The following ADAMTSL1 variants were observed in gnomAD, a reference collection of about 807,000 sequenced individuals.
The protein encoded by ADAMTSL1 is ADAMTS-like protein 1.
Under a neutral mutation model 201.8 loss-of-function variants are expected in ADAMTSL1, and 126 were observed. The observed-to-expected ratio is 0.62, with a 90% CI of 0.54 to 0.72. The LOEUF (loss-of-function observed/expected upper bound fraction) is 0.72. Among genes scored for constraint, ADAMTSL1 ranks in the 30% least tolerant of loss-of-function variants. ADAMTSL1 has a pLI of 0.00. For missense variants in ADAMTSL1, 2,679 were observed against 2,277.8 expected (o/e 1.18, Z -3.59); for synonymous variants, 1,121 against 903.4 (o/e 1.24, Z -4.32).
chr9:18,545,487 A>G (rs1026004766), intron 3 of ADAMTSL1, among the ~76,000 whole-genome samples: 11 of 152,298 alleles, frequency 7.2e-5, no homozygotes, highest in African/African-American at 2.6e-4. Context: ...GAGATATTCA[A>G]ACAAGTCTAT....
intron 9 of ADAMTSL1, among the ~76,000 whole-genome samples, chr9:18,671,130 G>A (rs1829783621): frequency 6.6e-6 from 1 of 152,010 alleles, no homozygotes; most frequent in Non-Finnish European, 1.5e-5. Flanking sequence ...ATATTTTCAG[G>A]CTATGGTTGA....
intron 1 of ADAMTSL1, among the ~76,000 whole-genome samples, chr9:18,094,399 T>C (rs1161164423): frequency 6.6e-6 from 1 of 152,194 alleles, no homozygotes; most frequent in Non-Finnish European, 1.5e-5. Flanking sequence ...CAGTTATGTG[T>C]GTAGTATTAC....
At chr9:18,103,642 A>G (rs1824630381) in intron 1 of ADAMTSL1, among the ~76,000 whole-genome samples, 1 of 152,216 alleles carries the variant, frequency 6.6e-6, no homozygotes, top group African/African-American at 2.4e-5. Flanking sequence ...TAAAGTATCT[A>G]TCATTGTAGG....
intron 3 of ADAMTSL1, among the ~76,000 whole-genome samples, chr9:18,568,196 C>T (rs986353893): frequency 6.6e-6 from 1 of 152,030 alleles, no homozygotes; most frequent in African/African-American, 2.4e-5. Context: ...AATTGAAACA[C>T]TGATTTTTTT....
chr9:18,400,401 G>A (rs1817940894), intron 2 of ADAMTSL1, among the ~76,000 whole-genome samples: 1 of 152,100 alleles, frequency 6.6e-6, no homozygotes. Context: ...TCGGTACTCA[G>A]TATTTGTAAT....
intron 26 of ADAMTSL1, among the ~76,000 whole-genome samples, chr9:18,892,998 G>A (rs539472443): frequency 3.7e-4 from 56 of 151,474 alleles, no homozygotes; most frequent in Admixed American, 1.4e-3. Context: ...TAGAGTTCAC[G>A]TTCCATCTCG....
intron 2 of ADAMTSL1, among the ~76,000 whole-genome samples, chr9:18,519,486 C>A (rs1250793590): frequency 6.6e-6 from 1 of 152,236 alleles, no homozygotes; most frequent in East Asian, 1.9e-4. Context: ...TCCTCAATCT[C>A]TGCCTTTTCA....
At chr9:18,784,316 T>C (rs1383174862) in intron 19 of ADAMTSL1, among the ~76,000 whole-genome samples, 1 of 152,236 alleles carries the variant, frequency 6.6e-6, no homozygotes, top group Non-Finnish European at 1.5e-5. Flanking sequence ...CAAGGGCCTA[T>C]ATTTAAGAAT....
At chr9:18,597,337 T>C (rs1417278770) in intron 4 of ADAMTSL1, among the ~76,000 whole-genome samples, 1 of 152,236 alleles carries the variant, frequency 6.6e-6, no homozygotes, top group African/African-American at 2.4e-5. Context: ...TCTGCTGCCA[T>C]CTACTCCTTA....
chr9:17,916,080 C>G (rs1002405875), intron 1 of ADAMTSL1, among the ~76,000 whole-genome samples: 26 of 152,312 alleles, frequency 1.7e-4, no homozygotes, highest in African/African-American at 3.8e-4. Context: ...CCACCATGCA[C>G]AGCTAATTTT....
intron 2 of ADAMTSL1, among the ~76,000 whole-genome samples, chr9:18,460,623 A>G (rs1587279073): frequency 2.0e-5 from 3 of 152,318 alleles, no homozygotes; most frequent in South Asian, 2.1e-4. Context: ...CTAGGTGTAC[A>G]TGCAGGTTTA....
intron 2 of ADAMTSL1, among the ~76,000 whole-genome samples, chr9:18,286,033 TTCTCTC>T (rs57298631): frequency 2.0e-5 from 3 of 150,026 alleles, no homozygotes; most frequent in Non-Finnish European, 4.5e-5. Context: ...ACTGGTTACT[TTCTCTC>T]TCTCTCTCTC....
At chr9:18,495,036 G>C (rs771541368) in intron 1 of ADAMTSL1, among the ~76,000 whole-genome samples, 1 of 152,206 alleles carries the variant, frequency 6.6e-6, no homozygotes, top group Non-Finnish European at 1.5e-5. Context: ...GGTAGTACCA[G>C]AATTAAGTCA....
At chr9:18,106,904 G>A (rs535059974) in intron 1 of ADAMTSL1, among the ~76,000 whole-genome samples, 9 of 152,104 alleles carry the variant, frequency 5.9e-5, no homozygotes, top group African/African-American at 9.7e-5. Flanking sequence ...TATTGCCAAC[G>A]CCATGTATTA....
chr9:18,019,048 A>G (rs1048254606), intron 1 of ADAMTSL1, among the ~76,000 whole-genome samples: 2 of 152,102 alleles, frequency 1.3e-5, no homozygotes, highest in Admixed American at 1.3e-4. Flanking sequence ...ACTGAGAGTG[A>G]GAAAGTGCAG....
chr9:18,750,299 C>T, intron 15 of ADAMTSL1, among the ~76,000 whole-genome samples: 1 of 152,152 alleles, frequency 6.6e-6, no homozygotes. Flanking sequence ...AGTTTTTACC[C>T]ACCGAGGGTA....
chr9:17,916,912 A>T (rs577840775), intron 1 of ADAMTSL1, among the ~76,000 whole-genome samples: 1 of 152,192 alleles, frequency 6.6e-6, no homozygotes, highest in Non-Finnish European at 1.5e-5. Context: ...ACTCATGAAC[A>T]TGAAAACCTC....
chr9:18,893,257 G>C (rs34612814), intron 26 of ADAMTSL1, among the ~76,000 whole-genome samples: 2 of 151,878 alleles, frequency 1.3e-5, no homozygotes, highest in Non-Finnish European at 2.9e-5. Flanking sequence ...CCAGGCCCTC[G>C]AGGCTTATTG....
intron 2 of ADAMTSL1, among the ~76,000 whole-genome samples, chr9:18,355,353 C>A (rs1340155156): frequency 6.6e-6 from 1 of 151,936 alleles, no homozygotes; most frequent in African/African-American, 2.4e-5. Context: ...TACATGTAGC[C>A]TTAGCTTTTT....
Sources: gnomAD v4.1 joint callset for allele counts (sites outside exome capture counted in the v4.1 genomes callset) on GRCh38, gnomAD v4.1.1 for gene constraint, MANE v1.5 for transcripts, NCBI Gene and HGNC (gene_info 2026-07-23, HGNC 2026-07-21) for gene names.